Variants in ELP3 observed in about 807,000 individuals in gnomAD.
The protein encoded by ELP3 is elongator complex protein 3.
ELP3 carries 56 observed loss-of-function variants against 74.9 expected under a neutral mutation model. That is an observed-to-expected ratio of 0.75 (90% confidence interval 0.60 to 0.93). ELP3 has a LOEUF of 0.93. ELP3 is among the 40% of genes least tolerant of loss of function. The pLI is 0.00. For synonymous variants in ELP3, 222 were observed against 239.8 expected, an observed-to-expected ratio of 0.93 and a Z score of 0.68; for missense variants, 573 against 686.5, an observed-to-expected ratio of 0.83 and a Z score of 1.85.
At chr8:28,145,917 C>G (rs1161075753) in intron 10 of ELP3, among the ~76,000 whole-genome samples, 2 of 152,156 alleles carry the variant, frequency 1.3e-5, no homozygotes, top group Non-Finnish European at 2.9e-5. Flanking sequence ...AGCCACCATG[C>G]CCGGCCAAGA....
chr8:28,133,376 A>T lies in ELP3; in HGVS notation c.906+972A>T, dbSNP rs1368893921. ...TATATTTGTTTTAAATATTTTCCTT[A>T]ACCTATTGTTGACCTTTTACTTGTG... On this transcript the variant is annotated intron_variant, in intron 9 of 14. Transcript: ENST00000256398. Among the ~76,000 whole-genome samples the T allele has an allele frequency of 2.0e-5, 3 of 149,552 alleles. No individual in the cohort carries two copies. The East Asian group carries it at 5.8e-4, about 29-fold the overall frequency.
Position 28,164,243 on chromosome 8 carries a change from A to C in ELP3, c.1567+2165A>C, listed in dbSNP as rs551456744. 3.3e-5 allele frequency among the ~76,000 whole-genome samples: 5 copies of C among 152,108 alleles called. No individual in the cohort carries two copies. The East Asian group carries it at 9.6e-4, about 29-fold the overall frequency. On this transcript the variant is annotated intron_variant, in intron 14 of 14. Transcript: ENST00000256398. ...ATAAGAGCCTCAGTTTCTGCTTTTTATGAGCGGGGTGATTTCCATTTTCTA... is the reference window on the plus strand; with the variant it reads ...ATAAGAGCCTCAGTTTCTGCTTTTTCTGAGCGGGGTGATTTCCATTTTCTA...
At chr8:28,135,754 A>G (rs140424230) in intron 9 of ELP3, among the ~76,000 whole-genome samples, 12 of 152,172 alleles carry the variant, frequency 7.9e-5, no homozygotes, top group African/African-American at 2.6e-4. Context: ...CTGATCCGTG[A>G]GCCTTTCTGG....
chr8:28,162,493 T>C (rs1038122062), intron 14 of ELP3, among the ~76,000 whole-genome samples: 1 of 152,336 alleles, frequency 6.6e-6, no homozygotes, highest in South Asian at 2.1e-4. Context: ...ACGAGCTGTT[T>C]AAAGGCCAAA....
chr8:28,163,879 C>T (rs1293094461), intron 14 of ELP3, among the ~76,000 whole-genome samples: 1 of 152,126 alleles, frequency 6.6e-6, no homozygotes, highest in Non-Finnish European at 1.5e-5. Context: ...CTCAGTGGGC[C>T]TGGGTGGGGC....
chr8:28,105,499 G>C (rs898319807), intron 3 of ELP3, among the ~76,000 whole-genome samples: 1 of 152,222 alleles, frequency 6.6e-6, no homozygotes, highest in Non-Finnish European at 1.5e-5. Flanking sequence ...GTTGGAGAAG[G>C]ATATTTAGAT....
At chr8:28,103,173 AAAACAAACAAAC>A (rs370258663) in intron 3 of ELP3, among the ~76,000 whole-genome samples, 1 of 118,134 alleles carries the variant, frequency 8.5e-6, no homozygotes, top group African/African-American at 3.2e-5. Flanking sequence ...CTGTCTCAAA[AAAACAAACAAAC>A]AAACAAACAA....
upstream of ELP3, chr8:28,093,104 T>C (rs186457310): frequency 1.9e-5 from 30 of 1,546,276 alleles, no homozygotes; most frequent in East Asian, 6.2e-4. Context: ...TACGATACAT[T>C]GACCGACATT....
rs1275973652 is a variant in ELP3 at position 28,099,824 on chromosome 8, T to C, written c.120-4T>C. ...CTTGATAATGTGAGATGCTTTACTTTCAGGGTGAAAACCAAGACAGCTGCC... is the reference window on the plus strand; with the variant it reads ...CTTGATAATGTGAGATGCTTTACTTCCAGGGTGAAAACCAAGACAGCTGCC... On this transcript the variant is annotated splice_region_variant and splice_polypyrimidine_tract_variant and intron_variant, in intron 2 of 14. Transcript: ENST00000256398. 1.2e-6 allele frequency: 2 copies of C among 1,614,222 alleles called. No homozygotes were observed. The highest frequency in any genetic ancestry group is 8.5e-7 in the Non-Finnish European group (1 of 1,180,040).
At chr8:28,189,100 G>A (rs911198784) in intron 14 of ELP3, among the ~76,000 whole-genome samples, 3 of 152,198 alleles carry the variant, frequency 2.0e-5, no homozygotes, top group Admixed American at 1.3e-4. Context: ...AACTGATGAG[G>A]AAAACACTTT....
chr8:28,125,759 CTTTTTTTTTT>C (rs755484214), intron 7 of ELP3, among the ~76,000 whole-genome samples: 1 of 92,180 alleles, frequency 1.1e-5, no homozygotes, highest in Admixed American at 1.3e-4. Context: ...AGTCATTTCT[CTTTTTTTTTT>C]TTTTTTTTTT....
At chr8:28,179,147 CTT>C (rs1292855308) in intron 14 of ELP3, among the ~76,000 whole-genome samples, 3 of 152,204 alleles carry the variant, frequency 2.0e-5, no homozygotes, top group Non-Finnish European at 4.4e-5. Context: ...AACTGCAACA[CTT>C]GAGTGTGTGC....
intron 7 of ELP3, among the ~76,000 whole-genome samples, chr8:28,115,515 A>G (rs1812093698): frequency 6.6e-6 from 1 of 152,174 alleles, no homozygotes; most frequent in East Asian, 1.9e-4. Flanking sequence ...AAAGGAGGAT[A>G]TTTACATTTG....
intron 13 of ELP3, 27 bp downstream of exon 13, chr8:28,160,483 C>T: frequency 6.3e-7 from 1 of 1,594,180 alleles, no homozygotes. Flanking sequence ...TTCTATTTGA[C>T]TTCTAAGAAA....
At chr8:28,160,515 AAAGG>A (rs1293013942) in intron 13 of ELP3, 59 bp downstream of exon 13, 8 of 1,466,360 alleles carry the variant, frequency 5.5e-6, no homozygotes, top group Non-Finnish European at 6.6e-6. Flanking sequence ...GGAAAAGAGA[AAAGG>A]AATGGGGTGA....
At chr8:28,159,410 T>C (rs758760686) in intron 12 of ELP3, among the ~76,000 whole-genome samples, 3 of 152,246 alleles carry the variant, frequency 2.0e-5, no homozygotes, top group Non-Finnish European at 4.4e-5. Context: ...TGTTCAGTTA[T>C]TTAGCAAACA....
At chr8:28,182,954 C>G (rs940608241) in intron 14 of ELP3, among the ~76,000 whole-genome samples, 29 of 152,154 alleles carry the variant, frequency 1.9e-4, no homozygotes, top group African/African-American at 6.8e-4. Flanking sequence ...TCTTGGCAGC[C>G]AGCCTTGGAG....
At chr8:28,103,437 C>T (rs2130366260) in intron 3 of ELP3, among the ~76,000 whole-genome samples, 1 of 152,144 alleles carries the variant, frequency 6.6e-6, no homozygotes, top group Admixed American at 6.5e-5. Flanking sequence ...GGATGTACCA[C>T]TATTTGCTTA....
Position 28,132,348 on chromosome 8 carries a change from C to T in ELP3, c.850C>T (p.His284Tyr), listed in dbSNP as rs1250650802. Reference sequence around the variant, plus strand: ...AGATTCCGGTTTTAAAGTGGTGGCCCATATGATGCCTGACCTGCCAAACGT... The same window carrying T: ...AGATTCCGGTTTTAAAGTGGTGGCCTATATGATGCCTGACCTGCCAAACGT... ...AKDSGFKVVA[H>Y]MMPDLPNVGL... The change falls in exon 9 of 15, where the codon CAT becomes TAT. Residue 284 changes from histidine to tyrosine, a missense_variant. By Grantham distance (83) the His-to-Tyr change is moderately conservative. Transcript: ENST00000256398. 1 of 1,614,106 alleles carries T rather than the reference C, an allele frequency of 6.2e-7. No individual in the cohort carries two copies. The highest frequency in any genetic ancestry group is 2.2e-5 in the East Asian group (1 of 44,880).
Sources: gnomAD v4.1 joint callset for allele counts (sites outside exome capture counted in the v4.1 genomes callset) on GRCh38, gnomAD v4.1.1 for gene constraint, MANE v1.5 for transcripts, NCBI Gene and HGNC (gene_info 2026-07-23, HGNC 2026-07-21) for gene names.